Variants in SLIT2 observed in about 807,000 individuals in gnomAD.
The protein encoded by SLIT2 is slit guidance ligand 2, also known as slit homolog 2 protein.
Under a neutral mutation model 185.7 loss-of-function variants are expected in SLIT2, and 41 were observed. The observed-to-expected ratio is 0.22, with a 90% confidence interval of 0.17 to 0.29. The LOEUF is 0.29. Among genes scored for constraint, SLIT2 ranks in the 10% least tolerant of loss-of-function variants. SLIT2 has a pLI of 1.00. For missense variants in SLIT2, 1,571 were observed against 1,909.0 expected, an observed-to-expected ratio of 0.82 and a Z score of 3.30; for synonymous variants, 693 against 680.2, an observed-to-expected ratio of 1.02 and a Z score of -0.29.
chr4:20,485,563 G>A (rs10016926), intron 6 of SLIT2, among the ~76,000 whole-genome samples: 1,966 of 152,214 alleles, frequency 0.013, 45 homozygotes, highest in African/African-American at 0.044. Context: ...AGGTGAATAT[G>A]CTACTGCAAC....
intron 4 of SLIT2, among the ~76,000 whole-genome samples, chr4:20,433,992 A>C (rs1025816295): frequency 1.3e-5 from 2 of 152,174 alleles, no homozygotes; most frequent in Non-Finnish European, 2.9e-5. Context: ...TGCTTATCTA[A>C]AATTTTAATT....
chr4:20,487,118 A>T (rs574909521), intron 7 of SLIT2, among the ~76,000 whole-genome samples: 66 of 152,108 alleles, frequency 4.3e-4, no homozygotes, highest in Non-Finnish European at 8.5e-4. Flanking sequence ...AAAAATTTTG[A>T]ATTACCATCT....
intron 4 of SLIT2, among the ~76,000 whole-genome samples, chr4:20,429,663 C>G (rs1728821830): frequency 6.6e-6 from 1 of 152,098 alleles, no homozygotes; most frequent in Non-Finnish European, 1.5e-5. Flanking sequence ...GAGACAGCCT[C>G]TTTGAGAATT....
At chr4:20,388,129 A>G (rs944085114) in intron 4 of SLIT2, among the ~76,000 whole-genome samples, 9 of 152,304 alleles carry the variant, frequency 5.9e-5, no homozygotes, top group Admixed American at 3.3e-4. Flanking sequence ...ATAGAACATC[A>G]TATTTGCTGG....
At chr4:20,305,064 G>T (rs957210992) in intron 4 of SLIT2, among the ~76,000 whole-genome samples, 25 of 152,114 alleles carry the variant, frequency 1.6e-4, no homozygotes, top group African/African-American at 6.0e-4. Flanking sequence ...CTGCATTTTG[G>T]CAAATAGGTA....
chr4:20,591,914 A>T (rs564842502), intron 30 of SLIT2, among the ~76,000 whole-genome samples: 77 of 152,228 alleles, frequency 5.1e-4, no homozygotes, highest in African/African-American at 1.8e-3. Context: ...CTCGCCATCA[A>T]ATAAATTAGA....
chr4:20,542,516 C>T lies in SLIT2; in HGVS notation c.2166C>T (p.Ser722=). 1.9e-6 allele frequency: 3 copies of T among 1,613,524 alleles called. No homozygotes were observed. Among genetic ancestry groups the T allele is most frequent in the Non-Finnish European group, 2.5e-6 (3 of 1,179,638 alleles). ...CDDGNDDNSC[S]PLSRCPTECT... ...TAGGAAATGATGACAATAGTTGCTC[C>T]CCACTTTCTCGCTGTCCTACTGAAT... Residue 722 remains serine, a synonymous_variant, in exon 21 of 37, where the codon TCC becomes TCT. Transcript: ENST00000504154.
chr4:20,340,652 G>A (rs1720887020), intron 4 of SLIT2, among the ~76,000 whole-genome samples: 1 of 152,094 alleles, frequency 6.6e-6, no homozygotes, highest in African/African-American at 2.4e-5. Context: ...CCGGGCTGGA[G>A]TGCAGCGGCG....
At chr4:20,355,754 A>G (rs1722268497) in intron 4 of SLIT2, among the ~76,000 whole-genome samples, 1 of 152,180 alleles carries the variant, frequency 6.6e-6, no homozygotes. Flanking sequence ...ACTGATATCT[A>G]TGTAGAAGTA....
intron 4 of SLIT2, among the ~76,000 whole-genome samples, chr4:20,349,532 G>A (rs1721698081): frequency 6.6e-6 from 1 of 152,106 alleles, no homozygotes; most frequent in South Asian, 2.1e-4. Flanking sequence ...AATGTACTGT[G>A]AGCTCCACGT....
chr4:20,356,760 C>T (rs886310342), intron 4 of SLIT2, among the ~76,000 whole-genome samples: 1 of 152,146 alleles, frequency 6.6e-6, no homozygotes, highest in Non-Finnish European at 1.5e-5. Context: ...CCTGTGGCTG[C>T]TCAACTGTGC....
At chr4:20,343,802 T>TG (rs1553883330) in intron 4 of SLIT2, among the ~76,000 whole-genome samples, 2 of 130,640 alleles carry the variant, frequency 1.5e-5, no homozygotes, top group Admixed American at 7.9e-5. Context: ...TCCTTAAAAC[T>TG]AAAAAAAAAA....
intron 29 of SLIT2, among the ~76,000 whole-genome samples, chr4:20,573,795 A>T (rs1725830458): frequency 1.3e-5 from 2 of 152,092 alleles, no homozygotes; most frequent in African/African-American, 4.8e-5. Context: ...CAAGAAGTTG[A>T]CTTATAAATT....
chr4:20,478,897 T>C (rs1716402801), intron 5 of SLIT2, among the ~76,000 whole-genome samples: 1 of 152,166 alleles, frequency 6.6e-6, no homozygotes, highest in African/African-American at 2.4e-5. Context: ...TCAAAAGTGC[T>C]CAAGAATGTA....
At chr4:20,394,928 G>A (rs114431570) in intron 4 of SLIT2, 25 of 152,058 alleles carry the variant, frequency 1.6e-4, no homozygotes, top group African/African-American at 6.0e-4. Flanking sequence ...TGCACAGCTG[G>A]TTATGAAAAA....
chr4:20,431,758 T>G (rs1433563374), intron 4 of SLIT2, among the ~76,000 whole-genome samples: 1 of 152,198 alleles, frequency 6.6e-6, no homozygotes, highest in Admixed American at 6.5e-5. Flanking sequence ...CTACTTCATA[T>G]AGCTTATTTG....
chr4:20,551,782 C>T (rs762580795), intron 25 of SLIT2, among the ~76,000 whole-genome samples: 7 of 152,056 alleles, frequency 4.6e-5, no homozygotes, highest in East Asian at 1.9e-4. Context: ...CAAGAAGATA[C>T]GATTTTACAA....
At chr4:20,537,811 T>C (rs1722433881) in intron 18 of SLIT2, among the ~76,000 whole-genome samples, 1 of 152,190 alleles carries the variant, frequency 6.6e-6, no homozygotes, top group South Asian at 2.1e-4. Flanking sequence ...CCTAGGCTTC[T>C]TAACCCTAAT....
intron 19 of SLIT2, among the ~76,000 whole-genome samples, chr4:20,540,531 A>G (rs890135234): frequency 1.2e-4 from 19 of 152,132 alleles, no homozygotes. Flanking sequence ...AAAGTAAAAA[A>G]AGCCACACAC....
Sources: allele counts gnomAD v4.1 joint callset (sites outside exome capture counted in the v4.1 genomes callset), GRCh38; gene constraint gnomAD v4.1.1; transcripts MANE v1.5; gene names NCBI Gene and HGNC (gene_info 2026-07-23, HGNC 2026-07-21).